MYO1D: variants seen among roughly 807,000 people sequenced by gnomAD.
The protein encoded by MYO1D is unconventional myosin-Id.
MYO1D carries 83 observed loss-of-function variants against 122.0 expected under a neutral mutation model. The observed-to-expected ratio is 0.68, with a 90% CI of 0.57 to 0.82. MYO1D has a LOEUF of 0.82. MYO1D is among the 40% of genes least tolerant of loss of function. MYO1D has a pLI of 0.00. For missense variants in MYO1D, 1,157 were observed against 1,269.5 expected, an observed-to-expected ratio of 0.91 and a Z score of 1.35; for synonymous variants, 464 against 446.9, an observed-to-expected ratio of 1.04 and a Z score of -0.48.
chr17:32,706,954 C>T (rs1017225771), intron 16 of MYO1D, among the ~76,000 whole-genome samples: 2 of 152,086 alleles, frequency 1.3e-5, no homozygotes, highest in East Asian at 1.9e-4. Context: ...CCTCGGCCCC[C>T]CAAAGTGCTG....
In MYO1D at chr17:32,852,232, T is replaced by G. The variant is rs146118910; in HGVS notation, c.95+24546A>C. On this transcript the variant is annotated intron_variant, in intron 1 of 21. Transcript: ENST00000318217. The stretch of plus-strand genomic sequence containing the variant: ...CCTCTGCCTCCCAGGTTCCAGAGAT[T>G]CTCTCACCTCAGTCTCCCCAGTAGC... Among the ~76,000 whole-genome samples, 800 of 152,220 alleles carry G rather than the reference T, an allele frequency of 5.3e-3. 2 individuals carry two copies. Among genetic ancestry groups the G allele is most frequent in the African/African-American group, 0.017 (709 of 41,528 alleles).
At chr17:32,861,733 C>T (rs2091079098) in intron 1 of MYO1D, among the ~76,000 whole-genome samples, 1 of 152,124 alleles carries the variant, frequency 6.6e-6, no homozygotes, top group Admixed American at 6.5e-5. Flanking sequence ...AAAAATATGT[C>T]TCGGCCAGGT....
At chr17:32,506,220 C>T (rs1303244136) in intron 21 of MYO1D, among the ~76,000 whole-genome samples, 3 of 152,194 alleles carry the variant, frequency 2.0e-5, no homozygotes, top group Non-Finnish European at 4.4e-5. Flanking sequence ...AGCAAATAAA[C>T]AGGTCACCAT....
rs188279519 is a variant in MYO1D, at chr17:32,740,086, C to G, written c.1614-1701G>C. 2.3e-3 allele frequency among the ~76,000 whole-genome samples: 356 copies of G among 152,274 alleles called. 4 individuals are homozygous for G. The highest frequency in any genetic ancestry group is 7.3e-3 in the African/African-American group (303 of 41,550). On this transcript the variant is annotated intron_variant, in intron 13 of 21. Coordinates refer to ENST00000318217, the MANE Select transcript of MYO1D (RefSeq NM_015194.3). ...ATAGATGTATATTGTTTTTCCTTAA[C>G]TTTTTCATTCTTATCTTTAGCACAG...
intron 1 of MYO1D, among the ~76,000 whole-genome samples, chr17:32,798,454 G>A (rs76019297): frequency 0.015 from 2,273 of 152,116 alleles, 46 homozygotes; most frequent in African/African-American, 0.049. Flanking sequence ...CTAAGATAGC[G>A]TAAGTGGTTA....
intron 1 of MYO1D, among the ~76,000 whole-genome samples, chr17:32,854,499 C>T (rs2091012634): frequency 6.6e-6 from 1 of 152,202 alleles, no homozygotes; most frequent in Admixed American, 6.5e-5. Context: ...AAATCATTGG[C>T]GAAGCCAATG....
At chr17:32,717,332 C>G (rs1201700632) in intron 15 of MYO1D, among the ~76,000 whole-genome samples, 2 of 152,214 alleles carry the variant, frequency 1.3e-5, no homozygotes, top group Non-Finnish European at 2.9e-5. Context: ...CTTTAATTAT[C>G]TCTACTTCTC....
Position 32,775,922 on chromosome 17 carries a change from T to C in MYO1D, c.506A>G (p.Asn169Ser), listed in dbSNP as rs746300216. 3.1e-6 allele frequency: 5 copies of C among 1,613,928 alleles called. No homozygotes were observed. The highest frequency in any genetic ancestry group is 3.4e-6 in the Non-Finnish European group (4 of 1,179,854). ...SSRFGKYMDI[N>S]FDFKGDPIGG... ...AATAGGGTCACCCTTGAAGTCAAAG[T>C]TGATATCCATGTATTTTCCAAACCT... The change falls in exon 4 of 22, where the codon AAC becomes AGC. Residue 169 changes from asparagine to serine, a missense_variant. By Grantham distance (46) the Asn-to-Ser change is conservative. Transcript: ENST00000318217.
At chr17:32,560,537 A>C (rs1322316392) in intron 21 of MYO1D, among the ~76,000 whole-genome samples, 1,030 of 35,926 alleles carry the variant, frequency 0.029, 96 homozygotes, top group African/African-American at 0.055. Flanking sequence ...ACATATATAT[A>C]TATATATATA....
intron 1 of MYO1D, among the ~76,000 whole-genome samples, chr17:32,820,158 A>C (rs1598125991): frequency 3.9e-5 from 6 of 152,232 alleles, no homozygotes; most frequent in Admixed American, 3.3e-4. Context: ...ACTCTTGCAC[A>C]CTGTTGGTGG....
At chr17:32,700,913 C>T (rs528561288) in intron 16 of MYO1D, among the ~76,000 whole-genome samples, 1 of 135,918 alleles carries the variant, frequency 7.4e-6, no homozygotes, top group African/African-American at 2.7e-5. Context: ...CATTGTACTC[C>T]AGCTTGGATG....
intron 1 of MYO1D, among the ~76,000 whole-genome samples, chr17:32,845,728 C>T (rs976814390): frequency 6.6e-6 from 1 of 152,114 alleles, no homozygotes; most frequent in African/African-American, 2.4e-5. Context: ...ATTTTAAGGG[C>T]CCAATTGCCA....
At chr17:32,754,525 G>A (rs1010510157) in intron 11 of MYO1D, among the ~76,000 whole-genome samples, 2 of 152,176 alleles carry the variant, frequency 1.3e-5, no homozygotes, top group East Asian at 3.8e-4. Flanking sequence ...ATTTCTTGAC[G>A]ATTTGGGCTT....
At position 32,699,521 on chromosome 17, in the gene MYO1D, A is replaced by G. The variant is rs114494487; in HGVS notation, c.2121+12467T>C. ...CGCCTATCCCTAACCATCTGTGAAA[A>G]GATAGTTTCCAGTCAACTGGGAACA... is the stretch of plus-strand genomic sequence containing the variant. On this transcript the variant is annotated intron_variant, in intron 16 of 21. Coordinates refer to ENST00000318217, the MANE Select transcript of MYO1D (RefSeq NM_015194.3). Among the ~76,000 whole-genome samples, 441 of 152,314 alleles carry G rather than the reference A, an allele frequency of 2.9e-3. 4 individuals carry two copies. Among genetic ancestry groups the G allele is most frequent in the African/African-American group, 0.01 (423 of 41,562 alleles).
chr17:32,765,075 A>G lies in MYO1D; in HGVS notation c.838T>C (p.Leu280=), dbSNP rs2090041764. 6.2e-7 allele frequency: 1 copy of G among 1,611,190 alleles called. No individual in the cohort carries two copies. The highest frequency in any genetic ancestry group is 1.7e-5 in the Admixed American group (1 of 59,970). Residue 280 remains leucine, a synonymous_variant, in exon 8 of 22, where the codon TTA becomes CTA. Coordinates refer to ENST00000318217, the MANE Select transcript of MYO1D (RefSeq NM_015194.3). ...GTGTCACCATCTACTACAAATTTTA[A>G]ATTTCCCTGTATCAAAAGTGAAAAA... ...ILAAILHLGN[L]KFVVDGDTPL...
chr17:32,737,360 AACTT>A (rs2089715858), intron 14 of MYO1D, among the ~76,000 whole-genome samples: 1 of 149,290 alleles, frequency 6.7e-6, no homozygotes, highest in East Asian at 2.1e-4. Flanking sequence ...TCAATAATAC[AACTT>A]TTTTTTTTTT....
At chr17:32,690,185 CTTTT>C (rs1202005031) in intron 16 of MYO1D, among the ~76,000 whole-genome samples, 1 of 141,148 alleles carries the variant, frequency 7.1e-6, no homozygotes, top group African/African-American at 2.6e-5. Flanking sequence ...GAGTGTTTAT[CTTTT>C]TTTTTTTTTT....
chr17:32,778,632 T>G, intron 2 of MYO1D, 59 bp from the exon 3 acceptor site: 1 of 1,392,272 alleles, frequency 7.2e-7, no homozygotes, highest in Non-Finnish European at 1.0e-6. Flanking sequence ...GTAAGCTAAT[T>G]TTTAATAGAA....
chr17:32,558,607 T>G (rs922012152), intron 21 of MYO1D, among the ~76,000 whole-genome samples: 3 of 152,262 alleles, frequency 2.0e-5, no homozygotes, highest in African/African-American at 7.2e-5. Flanking sequence ...TCCTCCACAG[T>G]TCTCCCTGGT....
Sources: gnomAD v4.1 joint callset for allele counts (sites outside exome capture counted in the v4.1 genomes callset) on GRCh38, gnomAD v4.1.1 for gene constraint, MANE v1.5 for transcripts, NCBI Gene and HGNC (gene_info 2026-07-23, HGNC 2026-07-21) for gene names.